DNAH14: variants seen among roughly 807,000 people sequenced by gnomAD.
DNAH14 encodes the protein axonemal beta dynein heavy chain 14.
In DNAH14, 478 loss-of-function variants were observed where a neutral mutation model predicts 520.9. The ratio of observed to expected loss-of-function variants is 0.92; its 90% CI spans 0.85 to 0.99. The LOEUF (loss-of-function observed/expected upper bound fraction) is 0.99. Ranked by LOEUF, DNAH14 falls within the 50% of genes least tolerant of loss-of-function variation. The probability of loss-of-function intolerance (pLI) is 0.00; values close to 1 mark genes in which losing one functional copy is unlikely to be tolerated. For synonymous variants in DNAH14, 1,581 were observed against 1,757.2 expected (o/e 0.90, Z 2.51); for missense variants, 4,831 against 5,234.5 (o/e 0.92, Z 2.38).
At chr1:225,382,888 C>T (rs953002700) in intron 81 of DNAH14, among the ~76,000 whole-genome samples, 1 of 152,184 alleles carries the variant, frequency 6.6e-6, no homozygotes, top group Non-Finnish European at 1.5e-5. Context: ...AGTACTGATA[C>T]AGGCTATCAC....
chr1:224,974,111 C>T lies in DNAH14; in HGVS notation c.788C>T (p.Thr263Ile). The change falls in exon 8 of 86, where the codon ACC becomes ATC. Residue 263 changes from threonine (T) to isoleucine (I), a missense_variant. Transcript: ENST00000682510. ...SDFRMNKAFV[T>I]WKLNVKRIKT... is the part of the protein sequence containing the mutation. The stretch of plus-strand genomic sequence containing the variant: ...TTCAGAATGAATAAAGCATTTGTTA[C>T]CTGGAAATTGAATGTTAAAAGAATT... 6.7e-7 allele frequency: 1 copy of T among 1,501,142 alleles called. No homozygotes were observed. Among genetic ancestry groups the T allele is most frequent in the Non-Finnish European group, 8.9e-7 (1 of 1,119,444 alleles). 93.0% of individuals were successfully genotyped at this position (1,501,142 alleles called of 1,614,324 possible).
intron 43 of DNAH14, among the ~76,000 whole-genome samples, chr1:225,242,524 T>C (rs2092025483): frequency 6.6e-6 from 1 of 152,148 alleles, no homozygotes; most frequent in South Asian, 2.1e-4. Flanking sequence ...CTCCATATAT[T>C]GTCCCACTGG....
intron 66 of DNAH14, among the ~76,000 whole-genome samples, chr1:225,336,273 CAT>C (rs1158784314): frequency 4.0e-5 from 6 of 151,362 alleles, no homozygotes; most frequent in Admixed American, 2.6e-4. Flanking sequence ...ACATCTAAAA[CAT>C]AAAGAAAAGT....
intron 10 of DNAH14, among the ~76,000 whole-genome samples, chr1:225,022,023 T>A (rs2148018297): frequency 6.6e-6 from 1 of 152,234 alleles, no homozygotes; most frequent in African/African-American, 2.4e-5. Context: ...TTTCAATAAA[T>A]GCTTCTGGGA....
At chr1:225,231,558 A>G (rs1328681243) in intron 42 of DNAH14, among the ~76,000 whole-genome samples, 1 of 152,172 alleles carries the variant, frequency 6.6e-6, no homozygotes, top group Admixed American at 6.5e-5. Flanking sequence ...AGCCTAGCAC[A>G]TAGTAAGAGC....
At chr1:225,398,911 T>A (rs1204644485) in intron 85 of DNAH14, 143 bp from the exon 86 acceptor site, 6 of 838,244 alleles carry the variant, frequency 7.2e-6, no homozygotes, top group Non-Finnish European at 1.1e-5. Context: ...CAGGTATAAT[T>A]TCCACATGCT....
chr1:224,969,017 C>T, intron 7 of DNAH14, 143 bp downstream of exon 7: 1 of 533,930 alleles, frequency 1.9e-6, no homozygotes, highest in Non-Finnish European at 3.3e-6. Context: ...TTACGGAACA[C>T]CCCATTTCCT....
At position 225,252,429 on chromosome 1, in the gene DNAH14, T is replaced by C. The variant is rs769350038; in HGVS notation, c.6865+12T>C. 2.2e-6 allele frequency: 3 copies of C among 1,361,986 alleles called. No individual in the cohort carries two copies. The highest frequency in any genetic ancestry group is 2.0e-6 in the Non-Finnish European group (2 of 977,144). 84.4% of individuals were successfully genotyped at this position (1,361,986 alleles called of 1,614,324 possible). On this transcript the variant is annotated intron_variant, in intron 44 of 85. Transcript: ENST00000682510. ...ACTAATTCAAAGAGGTAAGAATAAT[T>C]ATAAGAATCATACTTGTAACGTTAG...
intron 35 of DNAH14, among the ~76,000 whole-genome samples, chr1:225,164,276 G>A (rs765488887): frequency 6.6e-6 from 1 of 152,026 alleles, no homozygotes; most frequent in Non-Finnish European, 1.5e-5. Context: ...GCCCACTGGT[G>A]ATTTCTTGTC....
At chr1:225,115,749 C>T (rs919415426) in intron 23 of DNAH14, among the ~76,000 whole-genome samples, 3 of 152,192 alleles carry the variant, frequency 2.0e-5, no homozygotes, top group African/African-American at 7.2e-5. Flanking sequence ...TAGACTATTA[C>T]TGAGGATCAT....
chr1:225,308,158 A>G, intron 59 of DNAH14, 127 bp from the exon 60 acceptor site: 1 of 996,362 alleles, frequency 1.0e-6, no homozygotes, highest in Non-Finnish European at 1.4e-6. Flanking sequence ...TTATGAATCT[A>G]TTAAATATAT....
chr1:224,975,243 A>T (rs1279495847), intron 8 of DNAH14, among the ~76,000 whole-genome samples: 1 of 152,184 alleles, frequency 6.6e-6, no homozygotes, highest in Non-Finnish European at 1.5e-5. Context: ...GGCCTCATAA[A>T]ATGAATTAGG....
In DNAH14 at chr1:225,346,137, T is replaced by C. The variant is rs2095282813; in HGVS notation, c.10854T>C (p.Ala3618=). 1.3e-6 allele frequency: 2 copies of C among 1,551,596 alleles called. No individual in the cohort carries two copies. The change falls in exon 70 of 86, where the codon GCT becomes GCC. Residue 3618 remains alanine, a synonymous_variant. Coordinates refer to ENST00000682510, the MANE Select transcript of DNAH14 (RefSeq NM_001367479.1). ...TRGALLYFLV[A]DLTQINYMYQ... Reference sequence around the variant, plus strand: ...GCGCCCTGCTCTACTTCCTAGTAGCTGATCTCACACAAATCAACTACATGT... The same window carrying C: ...GCGCCCTGCTCTACTTCCTAGTAGCCGATCTCACACAAATCAACTACATGT...
rs752003552 is a variant in DNAH14, at chr1:224,960,042, A to C, written c.218-111A>C. The C allele has an allele frequency of 1.4e-5, 15 of 1,090,788 alleles. No individual in the cohort carries two copies. The Admixed American group carries it at 5.4e-4, about 39-fold the overall frequency. The allele number at this position is 1,090,788 out of a possible 1,614,324, so 67.6% of individuals were successfully genotyped here. A position where few individuals can be genotyped will look rare whatever the true frequency, so the allele number is the denominator to read the frequency against. On this transcript the variant is annotated intron_variant, in intron 3 of 85. Transcript: ENST00000682510. ...GATTCAGCCTGTGCTCTTAACTACC[A>C]TGCTATACTGCCTTATATAATCATT...
intron 60 of DNAH14, among the ~76,000 whole-genome samples, chr1:225,311,296 G>A (rs541521494): frequency 2.6e-5 from 4 of 151,980 alleles, no homozygotes; most frequent in Non-Finnish European, 5.9e-5. Flanking sequence ...TGATGAGGTC[G>A]TTTGTTTTTT....
In DNAH14 at chr1:225,141,155, T is replaced by A; in HGVS notation, c.4508+134T>A. The stretch of plus-strand genomic sequence containing the variant: ...GGCTTTACCAAAATTCTAAGCAAAC[T>A]GTACCAATCTGAGTATATTAGTCCC... On this transcript the variant is annotated intron_variant, in intron 28 of 85. Coordinates refer to ENST00000682510, the MANE Select transcript of DNAH14 (RefSeq NM_001367479.1). 7.3e-6 allele frequency: 6 copies of A among 824,838 alleles called. 1 individual carries two copies. The highest frequency in any genetic ancestry group is 3.7e-4 in the Middle Eastern group (1 of 2,692). 51.1% of individuals were successfully genotyped at this position (824,838 alleles called of 1,614,324 possible). A position where few individuals can be genotyped will look rare whatever the true frequency, so the allele number is the denominator to read the frequency against.
At chr1:224,940,249 A>G (rs1040173198) in intron 1 of DNAH14, among the ~76,000 whole-genome samples, 3 of 152,190 alleles carry the variant, frequency 2.0e-5, no homozygotes, top group Admixed American at 6.5e-5. Flanking sequence ...GAAACCTGGC[A>G]GGTCTCTTTA....
At chr1:224,947,080 G>T in intron 1 of DNAH14, among the ~76,000 whole-genome samples, 1 of 151,702 alleles carries the variant, frequency 6.6e-6, no homozygotes, top group East Asian at 1.9e-4. Flanking sequence ...ACCACGCTCG[G>T]CTAATTTTTG....
chr1:225,067,914 G>T (rs2071087451), intron 17 of DNAH14, among the ~76,000 whole-genome samples: 2 of 152,098 alleles, frequency 1.3e-5, no homozygotes, highest in Admixed American at 6.6e-5. Context: ...TTACTCTGTT[G>T]ATAGTCTCTT....
Sources: gnomAD v4.1 joint callset for allele counts (sites outside exome capture counted in the v4.1 genomes callset) on GRCh38, gnomAD v4.1.1 for gene constraint, MANE v1.5 for transcripts, NCBI Gene and HGNC (gene_info 2026-07-23, HGNC 2026-07-21) for gene names.